Variants in KRI1 observed in about 807,000 individuals in gnomAD.
KRI1 encodes the protein KRI1 homolog, also known as protein KRI1 homolog.
Under a neutral mutation model 97.0 loss-of-function variants are expected in KRI1, and 83 were observed. That is an observed-to-expected ratio of 0.86 (90% CI 0.72 to 1.03). KRI1 has a LOEUF of 1.03. Among genes scored for constraint, KRI1 ranks in the 50% least tolerant of loss-of-function variants. KRI1 has a pLI of 0.00. For synonymous variants in KRI1, 371 were observed against 363.5 expected (o/e 1.02, Z -0.23); for missense variants, 916 against 928.4 (o/e 0.99, Z 0.17).
intron 3 of KRI1, among the ~76,000 whole-genome samples, chr19:10,563,732 A>G (rs1413209131): frequency 1.3e-5 from 2 of 152,192 alleles, no homozygotes; most frequent in Non-Finnish European, 2.9e-5. Flanking sequence ...CCTAGCCCAC[A>G]GCTCACTGCA....
chr19:10,553,267 TCCTGG>T lies in KRI1; in HGVS notation c.*679_*683del, dbSNP rs754118073. 8 of 665,026 alleles carry T rather than the reference TCCTGG, an allele frequency of 1.2e-5. No individual in the cohort carries two copies. Among genetic ancestry groups the T allele is most frequent in the African/African-American group, 1.8e-5 (1 of 55,276 alleles). 41.2% of individuals were successfully genotyped at this position (665,026 alleles called of 1,614,324 possible). A position where few individuals can be genotyped will look rare whatever the true frequency, so the allele number is the denominator to read the frequency against. Reference sequence around the variant, plus strand: ...CACCTGTCTCCCACCAGCGGGGCCCTCCTGGCAGGGTAGGGAAGGAGGACCCCGGG... The same window carrying T: ...CACCTGTCTCCCACCAGCGGGGCCCTCAGGGTAGGGAAGGAGGACCCCGGG... On this transcript the variant is annotated 3_prime_UTR_variant, in exon 19 of 19. Coordinates refer to ENST00000312962, the MANE Select transcript of KRI1 (RefSeq NM_023008.5).
chr19:10,560,523 C>A, intron 8 of KRI1, 75 bp from the exon 9 acceptor site: 1 of 1,098,954 alleles, frequency 9.1e-7, no homozygotes, highest in Non-Finnish European at 1.3e-6. Context: ...CCACATGGAC[C>A]TCACAGCCAG....
chr19:10,554,836 CTCATT>C (rs1043587213), intron 18 of KRI1, among the ~76,000 whole-genome samples: 39 of 150,652 alleles, frequency 2.6e-4, no homozygotes, highest in African/African-American at 9.0e-4. Context: ...CGAGAATTAA[CTCATT>C]TCATCCTCTG....
intron 8 of KRI1, 30 bp from the exon 9 acceptor site, chr19:10,560,478 C>G (rs368474429): frequency 2.0e-6 from 3 of 1,535,460 alleles, no homozygotes; most frequent in Non-Finnish European, 2.7e-6. Context: ...GGACTCTGGT[C>G]AATGGAGGAC....
chr19:10,563,188 T>C (rs1299777669), intron 3 of KRI1, among the ~76,000 whole-genome samples: 1 of 152,044 alleles, frequency 6.6e-6, no homozygotes, highest in African/African-American at 2.4e-5. Context: ...CCCAAGCAGC[T>C]GGGATTACAG....
chr19:10,559,645 TCTC>T lies in KRI1; in HGVS notation c.988_990del (p.Glu330del). 3.1e-6 allele frequency: 5 copies of T among 1,613,812 alleles called. No individual in the cohort carries two copies. Among genetic ancestry groups the T allele is most frequent in the South Asian group, 2.2e-5 (2 of 91,066 alleles). The stretch of plus-strand genomic sequence containing the variant: ...TTTCGCTCCCGAGTCTCTTCCCTCT[TCTC>T]CTTTCTGCGCTCATCCTTACGGCGC... On this transcript the variant is annotated inframe_deletion, in exon 11 of 19. Coordinates refer to ENST00000312962, the MANE Select transcript of KRI1 (RefSeq NM_023008.5).
Position 10,565,971 on chromosome 19 carries a change from A to G in KRI1, c.29T>C (p.Leu10Pro). Reference sequence around the variant, plus strand: ...CGCGGCAAACGCCGCGTTCACCCGCAGCTGCGACGACCCGCGCGGTTCCGG... The same window carrying G: ...CGCGGCAAACGCCGCGTTCACCCGCGGCTGCGACGACCCGCGCGGTTCCGG... MPEPRGSSQ[L>P]RVNAAFAARY... The change falls in exon 1 of 19, where the codon CTG becomes CCG. Residue 10 changes from leucine to proline, a missense_variant. Leu to Pro is a moderately conservative substitution (Grantham distance 98). Transcript: ENST00000312962. The G allele has an allele frequency of 6.6e-7, 1 of 1,526,152 alleles. No homozygotes were observed. 94.5% of individuals were successfully genotyped at this position (1,526,152 alleles called of 1,614,324 possible).
intron 4 of KRI1, 98 bp from the exon 5 acceptor site, chr19:10,561,943 G>A (rs139417368): frequency 1.9e-6 from 2 of 1,042,654 alleles, no homozygotes; most frequent in East Asian, 4.7e-5. Context: ...GCTGGCGGGG[G>A]TCATCGGAGG....
At chr19:10,561,766 C>G (rs376861135) in intron 5 of KRI1, 25 bp downstream of exon 5, 8 of 1,614,048 alleles carry the variant, frequency 5.0e-6, no homozygotes, top group Non-Finnish European at 6.8e-6. Context: ...CCTCAGCCCC[C>G]CGACCCAGCC....
chr19:10,558,800 G>C (rs1035952770), intron 12 of KRI1, among the ~76,000 whole-genome samples: 1 of 151,958 alleles, frequency 6.6e-6, no homozygotes, highest in African/African-American at 2.4e-5. Context: ...CCACCTCCCG[G>C]GTTCAAGCGA....
In KRI1 at chr19:10,565,635, TC is replaced by T. The variant is rs35247747; in HGVS notation, c.168+81del. On this transcript the variant is annotated intron_variant, in intron 2 of 18. Coordinates refer to ENST00000312962, the MANE Select transcript of KRI1 (RefSeq NM_023008.5). ...CGCAGGGCGCTCTGGGGTTGGGGGTTCCCCCCCGTCTACATCGGGGTCGGGG... is the reference window on the plus strand; with the variant it reads ...CGCAGGGCGCTCTGGGGTTGGGGGTTCCCCCCGTCTACATCGGGGTCGGGG... 7.6e-3 allele frequency: 10,970 copies of T among 1,435,558 alleles called. 56 individuals carry two copies. Among genetic ancestry groups the T allele is most frequent in the Non-Finnish European group, 8.7e-3 (9,495 of 1,092,928 alleles). 88.9% of individuals were successfully genotyped at this position (1,435,558 alleles called of 1,614,324 possible). A position where few individuals can be genotyped will look rare whatever the true frequency, so the allele number is the denominator to read the frequency against.
chr19:10,557,936 A>T (rs1292526264), intron 14 of KRI1, 36 bp downstream of exon 14: 1 of 1,613,690 alleles, frequency 6.2e-7, no homozygotes, highest in Non-Finnish European at 8.5e-7. Flanking sequence ...GCCCCCCGTC[A>T]GGGCCCCTGG....
Position 10,562,629 on chromosome 19 carries a change from G to A in KRI1, c.383+100C>T, listed in dbSNP as rs1176337462. On this transcript the variant is annotated intron_variant, in intron 4 of 18. Coordinates refer to ENST00000312962, the MANE Select transcript of KRI1 (RefSeq NM_023008.5). ...ATTATGGGCATGAGCCACCATGCCC[G>A]GCCCAGGCTGCCAGCTTTTTTCCCT... The A allele has an allele frequency of 7.0e-5, 51 of 726,858 alleles. 1 individual carries two copies. The highest frequency in any genetic ancestry group is 9.9e-5 in the East Asian group (4 of 40,204). The allele number at this position is 726,858 out of a possible 1,614,324, so 45.0% of individuals were successfully genotyped here. A position where few individuals can be genotyped will look rare whatever the true frequency, so the allele number is the denominator to read the frequency against.
chr19:10,563,502 C>T (rs777068986), intron 3 of KRI1, among the ~76,000 whole-genome samples: 3 of 151,582 alleles, frequency 2.0e-5, no homozygotes, highest in Admixed American at 1.3e-4. Flanking sequence ...TGCACCACCA[C>T]GCCCAGCTAA....
In KRI1 at chr19:10,557,823, G is replaced by A. The variant is rs776983801; in HGVS notation, c.1432C>T (p.Arg478Cys). Reference sequence around the variant, plus strand: ...ACGGCCGCGGCGAAGGGCGACTTGCGCTTCTTCTTGCCCGTCAAGGGGGCC... The same window carrying A: ...ACGGCCGCGGCGAAGGGCGACTTGCACTTCTTCTTGCCCGTCAAGGGGGCC... The part of the protein sequence containing the change: ...REAPLTGKKK[R>C]KSPFAAAVGQ... Residue 478 changes from arginine to cysteine, a missense_variant, in exon 15 of 19, where the codon CGC becomes TGC. Arg to Cys is a radical substitution (Grantham distance 180). Around this residue, in one of 3 missense-constraint regions of KRI1, gnomAD observed 672 missense variants for 667.2 expected, o/e 1.01. Coordinates refer to ENST00000312962, the MANE Select transcript of KRI1 (RefSeq NM_023008.5). The A allele has an allele frequency of 1.9e-5, 30 of 1,613,404 alleles. No individual in the cohort carries two copies. Among genetic ancestry groups the A allele is most frequent in the Middle Eastern group, 1.6e-4 (1 of 6,062 alleles).
In KRI1 at chr19:10,559,349, A is replaced by C; in HGVS notation, c.1194+10T>G. 1 of 1,610,024 alleles carries C rather than the reference A, an allele frequency of 6.2e-7. No homozygotes were observed. The highest frequency in any genetic ancestry group is 8.5e-7 in the Non-Finnish European group (1 of 1,177,076). ...CTCAGCGTCATGTTGGGCCGGGATG[A>C]GGGCCGCACCTGCATGAGCTGGTCG... On this transcript the variant is annotated intron_variant, in intron 12 of 18. Transcript: ENST00000312962.
chr19:10,555,198 G>C lies in KRI1; in HGVS notation c.1683-13C>G. ...CTCCTGCTCTGACCTGCAGACAGAT[G>C]CCCCTGTGTTGGGTGCTCTGGGAAG... On this transcript the variant is annotated splice_polypyrimidine_tract_variant and intron_variant, in intron 17 of 18. Coordinates refer to ENST00000312962, the MANE Select transcript of KRI1 (RefSeq NM_023008.5). 1 of 1,196,246 alleles carries C rather than the reference G, an allele frequency of 8.4e-7. No individual in the cohort carries two copies. The highest frequency in any genetic ancestry group is 1.1e-6 in the Non-Finnish European group (1 of 872,116). 74.1% of individuals were successfully genotyped at this position (1,196,246 alleles called of 1,614,324 possible).
chr19:10,565,818 C>CCCCG, intron 1 of KRI1, 28 bp from the exon 2 acceptor site: 2 of 1,550,082 alleles, frequency 1.3e-6, no homozygotes, highest in Admixed American at 1.9e-5. Flanking sequence ...GATGCCCCCC[C>CCCCG]CCAGGTCAGC....
intron 16 of KRI1, 71 bp downstream of exon 16, chr19:10,557,481 A>T: frequency 6.6e-7 from 1 of 1,515,878 alleles, no homozygotes; most frequent in Non-Finnish European, 9.0e-7. Flanking sequence ...ATTGGGACTC[A>T]GGGCCAGCTT....
Sources: gnomAD v4.1 joint callset for allele counts (sites outside exome capture counted in the v4.1 genomes callset) on GRCh38, gnomAD v4.1.1 for gene constraint, gnomAD v4.1.1 regional missense constraint, MANE v1.5 for transcripts, NCBI Gene and HGNC (gene_info 2026-07-23, HGNC 2026-07-21) for gene names.